The following RICTOR variants were observed in gnomAD, a reference collection of about 807,000 sequenced individuals.
The protein encoded by RICTOR is rapamycin-insensitive companion of mTOR.
RICTOR carries 49 observed loss-of-function variants against 214.9 expected under a neutral mutation model. The observed-to-expected ratio is 0.23, with a 90% CI of 0.18 to 0.29. The LOEUF is 0.29. Ranked by LOEUF, RICTOR falls within the 10% of genes least tolerant of loss-of-function variation. RICTOR has a pLI of 1.00. For synonymous variants in RICTOR, 717 were observed against 711.3 expected, an observed-to-expected ratio of 1.01 and a Z score of -0.13; for missense variants, 1,625 against 2,047.0, an observed-to-expected ratio of 0.79 and a Z score of 3.98.
At position 39,046,061 on chromosome 5, in the gene RICTOR, A is replaced by AAATAAATAAATAAATAAATG. The variant is rs1177745657; in HGVS notation, c.98-24926_98-24925insCATTTATTTATTTATTTATT. On this transcript the variant is annotated intron_variant, in intron 2 of 37. Transcript: ENST00000357387. ...TAAATAAATAAATAAATAAATAAATAAATGCTGGCCAGGTGCAGAGGCTCA... is the reference window on the plus strand; with the variant it reads ...TAAATAAATAAATAAATAAATAAATAAATAAATAAATAAATAAATGAATGCTGGCCAGGTGCAGAGGCTCA... Among the ~76,000 whole-genome samples the AAATAAATAAATAAATAAATG allele has an allele frequency of 4.0e-5, 6 of 150,598 alleles. No individual in the cohort carries two copies. In the East Asian group the frequency reaches 7.7e-4, roughly 19 times the overall value.
intron 19 of RICTOR, 55 bp downstream of exon 19, chr5:38,962,260 C>G: frequency 3.7e-6 from 3 of 800,374 alleles, no homozygotes; most frequent in Middle Eastern, 3.8e-4. Flanking sequence ...AGGTATTAGG[C>G]CTAATATCCA....
chr5:38,944,270 G>A, intron 36 of RICTOR, 176 bp downstream of exon 36: 1 of 682,952 alleles, frequency 1.5e-6, no homozygotes, highest in East Asian at 2.8e-5. Flanking sequence ...TCAATCTGTT[G>A]CCATATGTTG....
rs756929163 is a variant in RICTOR, at chr5:38,950,004, A to C, written c.3844T>G (p.Ser1282Ala). The change falls in exon 31 of 38, where the codon TCA (serine) becomes GCA (alanine). Residue 1282 changes from serine to alanine, a missense_variant. Coordinates refer to ENST00000357387, the MANE Select transcript of RICTOR (RefSeq NM_152756.5). Reference protein sequence around the residue: ...PQSNHLSLSKSNSVSLVPPGS... With the variant: ...PQSNHLSLSKANSVSLVPPGS... Reference sequence around the variant, plus strand: ...GGAGGCACCAGGGACACCGAATTTGATTTGGAGAGAGACAGATGGTTAGAC... The same window carrying C: ...GGAGGCACCAGGGACACCGAATTTGCTTTGGAGAGAGACAGATGGTTAGAC... 53 of 1,613,354 alleles carry C rather than the reference A, an allele frequency of 3.3e-5. No homozygotes were observed. Among genetic ancestry groups the C allele is most frequent in the Non-Finnish European group, 4.3e-5 (51 of 1,179,630 alleles).
chr5:38,960,361 A>C lies in RICTOR; in HGVS notation c.1851+37T>G, dbSNP rs770500809. On this transcript the variant is annotated intron_variant, in intron 20 of 37. Coordinates refer to ENST00000357387, the MANE Select transcript of RICTOR (RefSeq NM_152756.5). ...GAGGGTAAGGGAAGCAAATTCAATA[A>C]AAAACATTTGCTCTGGAAAATATTC... 18 of 1,596,952 alleles carry C rather than the reference A, an allele frequency of 1.1e-5. No individual in the cohort carries two copies. The South Asian group carries it at 1.6e-4, about 14-fold the overall frequency.
In RICTOR at chr5:38,975,763, T is replaced by C. The variant is rs564709199; in HGVS notation, c.822-159A>G. 1.1e-4 allele frequency among the ~76,000 whole-genome samples: 16 copies of C among 152,332 alleles called. No homozygotes were observed. In the South Asian group the frequency reaches 3.3e-3, roughly 32 times the overall value. On this transcript the variant is annotated intron_variant, in intron 9 of 37. Transcript: ENST00000357387. The stretch of plus-strand genomic sequence containing the variant: ...AGATCAGATCTACACTAAAGCAAAT[T>C]AGCCAATTATAAACTGACTTCAAAC...
At chr5:38,993,400 A>G (rs1752932412) in intron 6 of RICTOR, among the ~76,000 whole-genome samples, 1 of 152,156 alleles carries the variant, frequency 6.6e-6, no homozygotes, top group Non-Finnish European at 1.5e-5. Flanking sequence ...TGACTAGTGG[A>G]AAAATTACAT....
intron 7 of RICTOR, among the ~76,000 whole-genome samples, chr5:38,984,094 G>A (rs1432781371): frequency 4.0e-5 from 6 of 151,804 alleles, no homozygotes; most frequent in Admixed American, 3.9e-4. Flanking sequence ...TTTTTTTGGA[G>A]CAATTATTTT....
intron 14 of RICTOR, 80 bp from the exon 15 acceptor site, chr5:38,966,801 ATT>A (rs11435048): frequency 4.7e-4 from 257 of 548,514 alleles, no homozygotes; most frequent in South Asian, 9.9e-4. Flanking sequence ...ATTTTTCAAA[ATT>A]TTTTTTTTTT....
intron 25 of RICTOR, among the ~76,000 whole-genome samples, chr5:38,957,046 G>T (rs952781345): frequency 6.6e-6 from 1 of 152,026 alleles, no homozygotes; most frequent in African/African-American, 2.4e-5. Context: ...TTGACCATGG[G>T]TTTCCAAGAT....
intron 2 of RICTOR, among the ~76,000 whole-genome samples, chr5:39,068,136 G>A (rs1343531543): frequency 1.3e-5 from 2 of 152,202 alleles, no homozygotes; most frequent in Non-Finnish European, 2.9e-5. Context: ...TCCAGAAATG[G>A]CATGTGACCT....
In RICTOR at chr5:38,940,139, A is replaced by AC; in HGVS notation, c.*2164_*2165insG. 1 of 207,310 alleles carries AC rather than the reference A, an allele frequency of 4.8e-6. No individual in the cohort carries two copies. The highest frequency in any genetic ancestry group is 9.2e-6 in the Non-Finnish European group (1 of 109,024). 12.8% of individuals were successfully genotyped at this position (207,310 alleles called of 1,614,324 possible). On this transcript the variant is annotated 3_prime_UTR_variant, in exon 38 of 38. Transcript: ENST00000357387. ...TTTTTCAAAGTAACAGTAAAAAAAA[A>AC]AAACAAAAAAAAAAACACAAAACAT...
intron 17 of RICTOR, 139 bp downstream of exon 17, chr5:38,962,737 A>C: frequency 1.2e-6 from 1 of 834,186 alleles, no homozygotes; most frequent in Non-Finnish European, 1.9e-6. Context: ...CCCATCTCCA[A>C]ATTATAAAAC....
intron 27 of RICTOR, 67 bp downstream of exon 27, chr5:38,954,707 G>T: frequency 1.1e-6 from 1 of 945,648 alleles, no homozygotes; most frequent in Non-Finnish European, 1.7e-6. Context: ...TAATATTTTA[G>T]CAATGTTAAG....
intron 11 of RICTOR, among the ~76,000 whole-genome samples, chr5:38,968,903 A>G (rs1415341065): frequency 6.6e-6 from 1 of 151,470 alleles, no homozygotes; most frequent in African/African-American, 2.4e-5. Flanking sequence ...GGTGGAAGAC[A>G]GTGATACTGA....
intron 28 of RICTOR, 52 bp from the exon 29 acceptor site, chr5:38,953,143 G>C (rs1265390382): frequency 7.8e-7 from 1 of 1,274,158 alleles, no homozygotes; most frequent in South Asian, 1.3e-5. Context: ...TCTTTCAAAA[G>C]ATTTGGAAAG....
chr5:38,944,662 C>A lies in RICTOR; in HGVS notation c.4790-93G>T, dbSNP rs191375959. 3.5e-6 allele frequency: 4 copies of A among 1,143,704 alleles called. No individual in the cohort carries two copies. The East Asian group carries it at 9.5e-5, about 27-fold the overall frequency. The allele number at this position is 1,143,704 out of a possible 1,614,324, so 70.8% of individuals were successfully genotyped here. Reference sequence around the variant, plus strand: ...TTTATTTTTAAACTTCACCTAAAGACCTAGAGATCAATTACACATGATCTA... The same window carrying A: ...TTTATTTTTAAACTTCACCTAAAGAACTAGAGATCAATTACACATGATCTA... On this transcript the variant is annotated intron_variant, in intron 35 of 37. Transcript: ENST00000357387.
intron 3 of RICTOR, among the ~76,000 whole-genome samples, chr5:39,018,184 C>T (rs1421625841): frequency 3.3e-5 from 5 of 152,056 alleles, no homozygotes; most frequent in African/African-American, 9.7e-5. Flanking sequence ...ATCCACTCAT[C>T]AAACTCAAGA....
At chr5:39,064,171 A>C (rs1758744278) in intron 2 of RICTOR, among the ~76,000 whole-genome samples, 1 of 152,204 alleles carries the variant, frequency 6.6e-6, no homozygotes, top group African/African-American at 2.4e-5. Flanking sequence ...CTGTAATTTT[A>C]TAACTACATT....
rs1181122651 is a variant in RICTOR, at chr5:38,939,014, C to T, written c.*3290G>A. 1.7e-5 allele frequency: 4 copies of T among 232,824 alleles called. No homozygotes were observed. In the East Asian group the frequency reaches 2.4e-4, roughly 14 times the overall value. 14.4% of individuals were successfully genotyped at this position (232,824 alleles called of 1,614,324 possible). A position where few individuals can be genotyped will look rare whatever the true frequency, so the allele number is the denominator to read the frequency against. ...AACCTTACTTCCAAAGAACATTTCCCAAAGTAGTTTACAAAGTTCATCTCA... is the reference window on the plus strand; with the variant it reads ...AACCTTACTTCCAAAGAACATTTCCTAAAGTAGTTTACAAAGTTCATCTCA... On this transcript the variant is annotated 3_prime_UTR_variant, in exon 38 of 38. Transcript: ENST00000357387.
Sources: gnomAD v4.1 joint callset for allele counts (sites outside exome capture counted in the v4.1 genomes callset) on GRCh38, gnomAD v4.1.1 for gene constraint, MANE v1.5 for transcripts, NCBI Gene and HGNC (gene_info 2026-07-23, HGNC 2026-07-21) for gene names.